Variants in AGXT2 observed in about 807,000 individuals in gnomAD.
The protein encoded by AGXT2 is alanine--glyoxylate aminotransferase 2.
A neutral mutation model predicts 62.5 loss-of-function variants in AGXT2; 61 were observed. The observed-to-expected ratio is 0.98, with a 90% CI of 0.79 to 1.21. AGXT2 has a LOEUF of 1.21. AGXT2 is among the 50% of genes most tolerant of loss of function. The probability of loss-of-function intolerance (pLI) is 0.00; values close to 1 mark genes in which losing one functional copy is unlikely to be tolerated. For synonymous variants in AGXT2, 243 were observed against 218.7 expected, an observed-to-expected ratio of 1.11 and a Z score of -0.98; for missense variants, 666 against 641.5, an observed-to-expected ratio of 1.04 and a Z score of -0.41.
chr5:35,009,497 G>A (rs1363620168), intron 12 of AGXT2, among the ~76,000 whole-genome samples: 1 of 152,122 alleles, frequency 6.6e-6, no homozygotes, highest in Non-Finnish European at 1.5e-5. Flanking sequence ...CCGGGAGGCT[G>A]AGGCTCGAGA....
chr5:35,039,180 G>T, intron 3 of AGXT2, 144 bp downstream of exon 3: 3 of 977,564 alleles, frequency 3.1e-6, no homozygotes, highest in Admixed American at 3.9e-5. Context: ...TTGTACTCAG[G>T]AAATAGCAGG....
chr5:35,014,538 A>C (rs986203127), intron 9 of AGXT2, among the ~76,000 whole-genome samples: 1 of 151,306 alleles, frequency 6.6e-6, no homozygotes, highest in African/African-American at 2.4e-5. Context: ...GATGGCCATC[A>C]TCAGCCATTA....
intron 12 of AGXT2, among the ~76,000 whole-genome samples, chr5:35,004,313 G>A (rs1396346912): frequency 6.6e-6 from 1 of 152,246 alleles, no homozygotes; most frequent in African/African-American, 2.4e-5. Context: ...AGCAGCCTGA[G>A]CTTTCCCTGG....
intron 1 of AGXT2, among the ~76,000 whole-genome samples, chr5:35,045,764 CTTTTTTTTTT>C (rs1255749919): frequency 4.0e-5 from 4 of 99,164 alleles, no homozygotes; most frequent in Non-Finnish European, 6.0e-5. Context: ...TTTCTTTTTT[CTTTTTTTTTT>C]TTTTTTTTTT....
intron 8 of AGXT2, chr5:35,026,129 C>T: frequency 1.7e-6 from 1 of 593,982 alleles, no homozygotes; most frequent in South Asian, 2.0e-5. Context: ...GTTCTTTGGA[C>T]AATGCGGATG....
In AGXT2 at chr5:34,998,760, G is replaced by A. The variant is rs200627716; in HGVS notation, c.1504C>T (p.Arg502Cys). 120 of 1,613,948 alleles carry A rather than the reference G, an allele frequency of 7.4e-5. No homozygotes were observed. The highest frequency in any genetic ancestry group is 9.2e-5 in the Non-Finnish European group (109 of 1,179,948). Reference protein sequence around the residue: ...PEVDFAVEVFRSALTQHMERR... With the variant: ...PEVDFAVEVFCSALTQHMERR... ...TCCATGTGTTGGGTTAAGGCAGAAC[G>A]AAATACTTCTACTGCAAAATCAACT... The change falls in exon 14 of 14, where the codon CGT (arginine) becomes TGT (cysteine). Residue 502 changes from arginine (R) to cysteine (C), a missense_variant. Transcript: ENST00000231420.
At chr5:35,006,001 C>T (rs915962608) in intron 12 of AGXT2, among the ~76,000 whole-genome samples, 2 of 152,092 alleles carry the variant, frequency 1.3e-5, no homozygotes, top group African/African-American at 2.4e-5. Flanking sequence ...TCTATGCATG[C>T]AAATACATCT....
intron 11 of AGXT2, among the ~76,000 whole-genome samples, chr5:35,010,367 T>G (rs1270923224): frequency 6.6e-6 from 1 of 152,148 alleles, no homozygotes; most frequent in African/African-American, 2.4e-5. Context: ...TCCCTCACCT[T>G]CAGAGGTGGC....
intron 3 of AGXT2, among the ~76,000 whole-genome samples, chr5:35,037,950 A>G (rs1287163710): frequency 6.6e-6 from 1 of 151,138 alleles, no homozygotes; most frequent in African/African-American, 2.4e-5. Context: ...AAGGACATTA[A>G]TTGCTACAGT....
intron 9 of AGXT2, among the ~76,000 whole-genome samples, chr5:35,017,626 C>T (rs761884454): frequency 2.0e-5 from 3 of 152,172 alleles, no homozygotes; most frequent in Non-Finnish European, 4.4e-5. Context: ...GTCCTTTAAA[C>T]CTCTTTTTCT....
intron 1 of AGXT2, among the ~76,000 whole-genome samples, chr5:35,045,774 T>TC: frequency 8.0e-6 from 1 of 124,568 alleles, no homozygotes; most frequent in East Asian, 2.2e-4. Flanking sequence ...CTTTTTTTTT[T>TC]TTTTTTTTTT....
chr5:35,047,382 G>A (rs1226008506), intron 1 of AGXT2, among the ~76,000 whole-genome samples: 1 of 152,182 alleles, frequency 6.6e-6, no homozygotes, highest in East Asian at 1.9e-4. Flanking sequence ...GGTCAAGGCT[G>A]CAGTGAACCA....
chr5:35,030,072 A>G (rs914223113), intron 7 of AGXT2, among the ~76,000 whole-genome samples: 5 of 152,222 alleles, frequency 3.3e-5, no homozygotes, highest in African/African-American at 1.2e-4. Context: ...TTTTGTAAAC[A>G]TATATGAATA....
At chr5:35,040,694 T>G in intron 1 of AGXT2, 31 bp from the exon 2 acceptor site, 1 of 1,541,532 alleles carries the variant, frequency 6.5e-7, no homozygotes, top group Non-Finnish European at 9.0e-7. Flanking sequence ...AATCCTCAAC[T>G]AAGCATGACA....
At chr5:35,012,872 G>A (rs1387616075) in intron 11 of AGXT2, 82 bp downstream of exon 11, 2 of 1,222,184 alleles carry the variant, frequency 1.6e-6, no homozygotes, top group African/African-American at 1.5e-5. Flanking sequence ...AACTCAGCAT[G>A]ATAGAGTTCT....
At chr5:35,021,267 G>A (rs564203217) in intron 9 of AGXT2, among the ~76,000 whole-genome samples, 1 of 152,200 alleles carries the variant, frequency 6.6e-6, no homozygotes, top group African/African-American at 2.4e-5. Context: ...TTCGCCAAGT[G>A]AATCCTAAGC....
chr5:35,042,933 A>G (rs1008731455), intron 1 of AGXT2, among the ~76,000 whole-genome samples: 1 of 152,208 alleles, frequency 6.6e-6, no homozygotes, highest in Non-Finnish European at 1.5e-5. Context: ...AATGATTTTC[A>G]TCCAATTCAC....
At chr5:35,026,378 G>A in intron 8 of AGXT2, 32 bp downstream of exon 8, 1 of 1,535,920 alleles carries the variant, frequency 6.5e-7, no homozygotes, top group South Asian at 1.1e-5. Context: ...TGAAGATTCA[G>A]CTCCATTAAT....
intron 7 of AGXT2, among the ~76,000 whole-genome samples, chr5:35,031,178 A>T (rs1561228385): frequency 6.6e-6 from 1 of 152,194 alleles, no homozygotes. Context: ...AATTGGGAGC[A>T]CTGGCTTTGG....
Sources: allele counts gnomAD v4.1 joint callset (sites outside exome capture counted in the v4.1 genomes callset), GRCh38; gene constraint gnomAD v4.1.1; transcripts MANE v1.5; gene names NCBI Gene and HGNC (gene_info 2026-07-23, HGNC 2026-07-21).